The following HMGA2 variants were observed in gnomAD, a reference collection of about 807,000 sequenced individuals.
The protein encoded by HMGA2 is high mobility group protein HMGI-C.
A neutral mutation model predicts 19.1 loss-of-function variants in HMGA2; 8 were observed. The observed-to-expected ratio is 0.42, with a 90% CI of 0.25 to 0.76. HMGA2 has a LOEUF of 0.76. HMGA2 is among the 30% of genes least tolerant of loss of function. The pLI, the probability that HMGA2 is intolerant of heterozygous loss-of-function variation, is 0.28. For missense variants in HMGA2, 109 were observed against 136.3 expected (o/e 0.80, Z 1.00); for synonymous variants, 60 against 48.8 (o/e 1.23, Z -0.96).
At chr12:65,953,835 C>T (rs1308233695) in intron 4 of HMGA2, 1 of 152,174 alleles carries the variant, frequency 6.6e-6, no homozygotes, top group Non-Finnish European at 1.5e-5. Flanking sequence ...GTAAATTTTA[C>T]ACTACATTCA....
intron 3 of HMGA2, among the ~76,000 whole-genome samples, chr12:65,928,310 A>T (rs1285862065): frequency 6.6e-6 from 1 of 152,210 alleles, no homozygotes; most frequent in East Asian, 1.9e-4. Flanking sequence ...TTAAAATGGT[A>T]CACCTGTATA....
Position 65,824,899 on chromosome 12 carries a change from A to T in HMGA2, c.-372A>T, listed in dbSNP as rs1870060775. On this transcript the variant is annotated 5_prime_UTR_variant, in exon 1 of 5. Transcript: ENST00000403681. Reference sequence around the variant, plus strand: ...CCCGGTGCCCGCAACTCCTGATCCCAACCCGCGAGAGGAGCCTCTGCGACC... The same window carrying T: ...CCCGGTGCCCGCAACTCCTGATCCCTACCCGCGAGAGGAGCCTCTGCGACC... The T allele has an allele frequency of 3.5e-6, 1 of 285,270 alleles. No homozygotes were observed. The highest frequency in any genetic ancestry group is 5.4e-5 in the Admixed American group (1 of 18,586). The allele number at this position is 285,270 out of a possible 1,614,324, so 17.7% of individuals were successfully genotyped here.
In HMGA2 at chr12:65,862,005, C is replaced by T. The variant is rs919846633; in HGVS notation, c.249+23436C>T. Among the ~76,000 whole-genome samples, 15 of 152,012 alleles carry T rather than the reference C, an allele frequency of 9.9e-5. No homozygotes were observed. The South Asian group carries it at 2.3e-3, about 23-fold the overall frequency. On this transcript the variant is annotated intron_variant, in intron 3 of 4. Transcript: ENST00000403681. The stretch of plus-strand genomic sequence containing the variant: ...GATTACAGGCGCCCACCACCACGCC[C>T]GGCTAATTTTCGTTTATTTAGTAGA...
chr12:65,905,582 T>C (rs1310143554), intron 3 of HMGA2, among the ~76,000 whole-genome samples: 2 of 152,232 alleles, frequency 1.3e-5, no homozygotes, highest in African/African-American at 4.8e-5. Context: ...AGCACAGACA[T>C]GTCATCACTC....
intron 1 of HMGA2, chr12:65,826,402 G>A (rs911131403): frequency 1.7e-4 from 26 of 152,244 alleles, no homozygotes; most frequent in African/African-American, 6.0e-4. Flanking sequence ...AGTTGGAGCG[G>A]GATATGTCTA....
chr12:65,842,546 T>A (rs921568126), intron 3 of HMGA2: 2 of 1,393,248 alleles, frequency 1.4e-6, no homozygotes, highest in Admixed American at 3.9e-5. Context: ...TAAGAACTGC[T>A]TATAAATAAT....
intron 4 of HMGA2, chr12:65,952,378 A>C: frequency 6.5e-7 from 1 of 1,535,010 alleles, no homozygotes; most frequent in Non-Finnish European, 8.7e-7. Flanking sequence ...TTGCCTGGGA[A>C]GGACCACCCG....
At chr12:65,882,303 G>C (rs543990164) in intron 3 of HMGA2, 3 of 221,128 alleles carry the variant, frequency 1.4e-5, no homozygotes, top group South Asian at 1.5e-4. Context: ...TGTGCTCCGG[G>C]CTGCGCTGCC....
At chr12:65,844,302 G>A (rs1488444880) in intron 3 of HMGA2, among the ~76,000 whole-genome samples, 1 of 152,024 alleles carries the variant, frequency 6.6e-6, no homozygotes, top group Non-Finnish European at 1.5e-5. Context: ...TAAAATACAT[G>A]CTTAGTAATT....
intron 3 of HMGA2, among the ~76,000 whole-genome samples, chr12:65,937,002 G>A (rs1875919592): frequency 6.6e-6 from 1 of 152,136 alleles, no homozygotes; most frequent in South Asian, 2.1e-4. Context: ...GAGTTATTTG[G>A]AGGAGAATTT....
rs1876901246 is a variant in HMGA2, at chr12:65,966,081, G to C, written c.*2789G>C. ...GTTGACTTTCTCCCTGTTCCTTTGA[G>C]TGTCTTCTAACTTTATTCTTTGTTC... On this transcript the variant is annotated 3_prime_UTR_variant, in exon 5 of 5. Transcript: ENST00000403681. 4.6e-6 allele frequency: 1 copy of C among 217,152 alleles called. No individual in the cohort carries two copies. The highest frequency in any genetic ancestry group is 6.8e-5 in the East Asian group (1 of 14,728). 13.5% of individuals were successfully genotyped at this position (217,152 alleles called of 1,614,324 possible). A position where few individuals can be genotyped will look rare whatever the true frequency, so the allele number is the denominator to read the frequency against.
intron 3 of HMGA2, among the ~76,000 whole-genome samples, chr12:65,871,212 T>C (rs1001000280): frequency 3.3e-5 from 5 of 152,230 alleles, no homozygotes; most frequent in African/African-American, 1.2e-4. Flanking sequence ...ATATTTATTA[T>C]GTAAGATTCA....
chr12:65,911,508 T>G (rs185137703), intron 3 of HMGA2, among the ~76,000 whole-genome samples: 78 of 152,206 alleles, frequency 5.1e-4, no homozygotes, highest in African/African-American at 1.8e-3. Flanking sequence ...TTGGCAGGAC[T>G]CCAGGGAAAG....
At chr12:65,925,653 A>G (rs17101904) in intron 3 of HMGA2, among the ~76,000 whole-genome samples, 3,539 of 152,320 alleles carry the variant, frequency 0.023, 86 homozygotes, top group African/African-American at 0.061. Context: ...ATGGTTGTAC[A>G]TGATCAGAGT....
intron 3 of HMGA2, among the ~76,000 whole-genome samples, chr12:65,945,122 G>C (rs556181310): frequency 6.6e-6 from 1 of 151,964 alleles, no homozygotes; most frequent in Non-Finnish European, 1.5e-5. Context: ...GGCAGAGATG[G>C]ATTGGAGTGG....
chr12:65,887,161 G>A (rs899848098), intron 3 of HMGA2, among the ~76,000 whole-genome samples: 6 of 152,196 alleles, frequency 3.9e-5, no homozygotes, highest in Non-Finnish European at 8.8e-5. Flanking sequence ...TTAGTGAGGC[G>A]TTTCAAAGAC....
chr12:65,923,993 A>G (rs1017938734), intron 3 of HMGA2, among the ~76,000 whole-genome samples: 20 of 152,116 alleles, frequency 1.3e-4, no homozygotes, highest in Admixed American at 6.5e-5. Context: ...CTGGGCAACA[A>G]GAGCAAAACC....
At chr12:65,883,458 T>C (rs544153292) in intron 3 of HMGA2, among the ~76,000 whole-genome samples, 2 of 152,366 alleles carry the variant, frequency 1.3e-5, no homozygotes, top group South Asian at 2.1e-4. Context: ...AACAACCTTA[T>C]GAAATATTTC....
At chr12:65,886,569 G>T (rs1336051855) in intron 3 of HMGA2, among the ~76,000 whole-genome samples, 4 of 151,998 alleles carry the variant, frequency 2.6e-5, no homozygotes, top group African/African-American at 9.7e-5. Flanking sequence ...ATATTGGCCA[G>T]GCTGGTCTCG....
Sources: gnomAD v4.1 joint callset for allele counts (sites outside exome capture counted in the v4.1 genomes callset) on GRCh38, gnomAD v4.1.1 for gene constraint, MANE v1.5 for transcripts, NCBI Gene and HGNC (gene_info 2026-07-23, HGNC 2026-07-21) for gene names.